ADGRG4: variants seen among roughly 807,000 people sequenced by gnomAD.
ADGRG4 encodes adhesion G protein-coupled receptor G4.
ADGRG4 carries 122 observed loss-of-function variants against 126.2 expected under a neutral mutation model. That is an observed-to-expected ratio of 0.97 (90% CI 0.83 to 1.12). The LOEUF (loss-of-function observed/expected upper bound fraction) is 1.12, where lower values mean the gene tolerates loss of function less well. Among genes scored for constraint, ADGRG4 ranks in the 50% most tolerant of loss-of-function variants. The pLI is 0.00. For synonymous variants in ADGRG4, 943 were observed against 838.7 expected (o/e 1.12, Z -2.15); for missense variants, 2,481 against 2,251.8 (o/e 1.10, Z -2.06).
At position 136,351,498 on chromosome X, in the gene ADGRG4, G is replaced by A. The variant is rs2075062334; in HGVS notation, c.6779G>A (p.Arg2260Lys). The change falls in exon 7 of 26, where the codon AGG becomes AAG. Residue 2260 changes from arginine (R) to lysine (K), a missense_variant. By Grantham distance (26) the Arg-to-Lys change is conservative. Transcript: ENST00000394143. ...TTCTCTGTCTTTGTTGAAGAGCCAA[G>A]GATCCCTATTACCAGTGTTATAAAT... is the stretch of plus-strand genomic sequence containing the variant. ...MSFSVFVEEP[R>K]IPITSVINEF... 3.4e-6 allele frequency: 4 copies of A among 1,162,089 alleles called. No homozygotes were observed. The highest frequency in any genetic ancestry group is 3.6e-5 in the African/African-American group (2 of 55,506).
chrX:136,387,327 T>C (rs1368686284), intron 15 of ADGRG4, among the ~76,000 whole-genome samples: 1 of 112,320 alleles, frequency 8.9e-6, no homozygotes, highest in Non-Finnish European at 1.9e-5. Context: ...ATCATTGTAT[T>C]GTGTTTTTTA....
Position 136,357,730 on chromosome X carries a change from G to A in ADGRG4, c.6954G>A (p.Met2318Ile). Reference protein sequence around the residue: ...AILEQREGQEMATISYVPYSC... With the variant: ...AILEQREGQEIATISYVPYSC... Reference sequence around the variant, plus strand: ...TGGAACAGAGAGAAGGACAAGAAATGGCTACAATTTCCTATGTACCATACA... The same window carrying A: ...TGGAACAGAGAGAAGGACAAGAAATAGCTACAATTTCCTATGTACCATACA... The change falls in exon 10 of 26, where the codon ATG (methionine) becomes ATA (isoleucine). Residue 2318 changes from methionine to isoleucine, a missense_variant. Met to Ile is a conservative substitution (Grantham distance 10). Coordinates refer to ENST00000394143, the MANE Select transcript of ADGRG4 (RefSeq NM_153834.4). 8.4e-7 allele frequency: 1 copy of A among 1,187,222 alleles called. No homozygotes were observed. The highest frequency in any genetic ancestry group is 1.8e-5 in the South Asian group (1 of 55,853).
At chrX:136,372,692 T>C (rs756737347) in intron 14 of ADGRG4, among the ~76,000 whole-genome samples, 2 of 112,225 alleles carry the variant, frequency 1.8e-5, no homozygotes, top group Admixed American at 1.9e-4. Context: ...ATTACTTTAT[T>C]TGCCCACACA....
chrX:136,366,997 G>A (rs1188892890), intron 13 of ADGRG4, among the ~76,000 whole-genome samples: 1 of 111,038 alleles, frequency 9.0e-6, no homozygotes, highest in Non-Finnish European at 1.9e-5. Context: ...TTATAAAAGA[G>A]GCCTCAGAGA....
chrX:136,349,596 A>G lies in ADGRG4; in HGVS notation c.5890A>G (p.Ile1964Val), dbSNP rs181533402. 81 of 1,208,013 alleles carry G rather than the reference A, an allele frequency of 6.7e-5. No individual in the cohort carries two copies. Among genetic ancestry groups the G allele is most frequent in the Non-Finnish European group, 8.7e-5 (78 of 893,938 alleles). ...NPSLSTSLRAITSTLADVKHT... is the reference protein window; with the variant it reads ...NPSLSTSLRAVTSTLADVKHT... ...TTCATTATCAACATCTTTAAGAGCT[A>G]TCACTTCCACATTGGCTGACGTTAA... The change falls in exon 6 of 26, where the codon ATC becomes GTC. Residue 1964 changes from isoleucine to valine, a missense_variant. By Grantham distance (29) the Ile-to-Val change is conservative (BLOSUM62 3). Transcript: ENST00000394143.
intron 19 of ADGRG4, among the ~76,000 whole-genome samples, chrX:136,397,367 C>A (rs2075355254): frequency 9.0e-6 from 1 of 110,924 alleles, no homozygotes; most frequent in Non-Finnish European, 1.9e-5. Context: ...CACATATATT[C>A]AAATAATTTT....
intron 4 of ADGRG4, among the ~76,000 whole-genome samples, chrX:136,315,300 C>T (rs1208236709): frequency 1.8e-5 from 2 of 110,035 alleles, no homozygotes; most frequent in African/African-American, 6.6e-5. Context: ...CATGGGGCTG[C>T]TAGACCAGGG....
chrX:136,401,559 C>G (rs1324646600), intron 21 of ADGRG4, among the ~76,000 whole-genome samples: 1 of 111,756 alleles, frequency 8.9e-6, no homozygotes, highest in Non-Finnish European at 1.9e-5. Flanking sequence ...AGAAGTCTGA[C>G]TGGCTCAATC....
At chrX:136,393,692 T>C in intron 18 of ADGRG4, 112 bp downstream of exon 18, 1 of 511,139 alleles carries the variant, frequency 2.0e-6, no homozygotes, top group Non-Finnish European at 3.3e-6. Context: ...CTACAGAGCA[T>C]TCTGAATGAC....
intron 14 of ADGRG4, 80 bp from the exon 15 acceptor site, chrX:136,372,822 G>C: frequency 3.1e-6 from 3 of 964,332 alleles, no homozygotes; most frequent in Non-Finnish European, 4.4e-6. Flanking sequence ...GAAAAGTCTT[G>C]CAATAAGGAA....
At chrX:136,357,187 T>C (rs760980094) in intron 9 of ADGRG4, among the ~76,000 whole-genome samples, 1 of 111,781 alleles carries the variant, frequency 8.9e-6, no homozygotes, top group East Asian at 2.8e-4. Flanking sequence ...TCAAGCTGCC[T>C]GGGTTGGAAC....
chrX:136,407,813 C>G (rs1464516965), intron 23 of ADGRG4, among the ~76,000 whole-genome samples: 1 of 111,814 alleles, frequency 8.9e-6, no homozygotes. Flanking sequence ...AGGTTGTATT[C>G]TAGTGTAGGA....
intron 3 of ADGRG4, among the ~76,000 whole-genome samples, chrX:136,305,656 G>A (rs2074728828): frequency 1.8e-5 from 2 of 112,396 alleles, no homozygotes; most frequent in Non-Finnish European, 3.8e-5. Flanking sequence ...GATGGAGTAA[G>A]ATGTGAATAT....
chrX:136,415,482 G>A (rs752099425), intron 25 of ADGRG4, among the ~76,000 whole-genome samples: 18 of 111,432 alleles, frequency 1.6e-4, no homozygotes, highest in Non-Finnish European at 2.4e-4. Context: ...ATGGGGCAAC[G>A]CTATTTTCCA....
intron 7 of ADGRG4, among the ~76,000 whole-genome samples, chrX:136,351,980 C>G (rs1436159259): frequency 9.0e-6 from 1 of 111,022 alleles, no homozygotes; most frequent in Non-Finnish European, 1.9e-5. Flanking sequence ...TTAATTTTTT[C>G]TTGATATGAC....
At chrX:136,319,503 T>C (rs981836320) in intron 4 of ADGRG4, among the ~76,000 whole-genome samples, 1 of 111,857 alleles carries the variant, frequency 8.9e-6, no homozygotes, top group Admixed American at 9.5e-5. Context: ...TATTTAACTT[T>C]TATATAGTGT....
Position 136,348,656 on chromosome X carries a change from G to A in ADGRG4, c.4950G>A (p.Glu1650=). The change falls in exon 6 of 26, where the codon GAG becomes GAA. Residue 1650 remains glutamate (E), a synonymous_variant. Coordinates refer to ENST00000394143, the MANE Select transcript of ADGRG4 (RefSeq NM_153834.4). The part of the protein sequence containing the change: ...ITPTTFLSPT[E]PTLPFVKTVP... ...CTACGACCTTTCTCTCTCCAACAGA[G>A]CCAACTTTGCCCTTTGTAAAAACCG... The A allele has an allele frequency of 8.3e-7, 1 of 1,210,142 alleles. No homozygotes were observed. The highest frequency in any genetic ancestry group is 1.1e-6 in the Non-Finnish European group (1 of 894,697).
intron 5 of ADGRG4, among the ~76,000 whole-genome samples, chrX:136,336,537 A>G (rs1376466258): frequency 9.0e-6 from 1 of 111,575 alleles, no homozygotes; most frequent in Non-Finnish European, 1.9e-5. Flanking sequence ...TTTGATATGT[A>G]TGCATTTAGG....
At chrX:136,381,355 G>C (rs2075263027) in intron 15 of ADGRG4, among the ~76,000 whole-genome samples, 1 of 109,173 alleles carries the variant, frequency 9.2e-6, no homozygotes, top group Non-Finnish European at 1.9e-5. Flanking sequence ...GGGCTCAGAT[G>C]ATCCTCCCAC....
Sources: allele counts gnomAD v4.1 joint callset (sites outside exome capture counted in the v4.1 genomes callset), GRCh38; gene constraint gnomAD v4.1.1; transcripts MANE v1.5; gene names NCBI Gene and HGNC (gene_info 2026-07-23, HGNC 2026-07-21).